Variants in CSF3R observed in about 807,000 individuals in gnomAD.
CSF3R encodes the protein colony stimulating factor 3 receptor, also known as granulocyte colony-stimulating factor receptor.
CSF3R carries 52 observed loss-of-function variants against 84.4 expected under a neutral mutation model. That is an observed-to-expected ratio of 0.62 (90% confidence interval 0.49 to 0.78). The LOEUF (loss-of-function observed/expected upper bound fraction) is 0.78, where lower values mean the gene tolerates loss of function less well. Ranked by LOEUF, CSF3R falls within the 30% of genes least tolerant of loss-of-function variation. CSF3R has a pLI of 0.00. For synonymous variants in CSF3R, 384 were observed against 429.1 expected (o/e 0.89, Z 1.30); for missense variants, 890 against 1,055.7 (o/e 0.84, Z 2.17).
chr1:36,468,320 A>G, intron 12 of CSF3R, 99 bp from the exon 13 acceptor site: 2 of 1,303,416 alleles, frequency 1.5e-6, no homozygotes, highest in South Asian at 3.0e-5. Flanking sequence ...GGTGGGTGAG[A>G]AAAGAGTCCA....
chr1:36,471,518 A>G lies in CSF3R; in HGVS notation c.1200T>C (p.Pro400=), dbSNP rs758835089. The G allele has an allele frequency of 6.2e-7, 1 of 1,614,240 alleles. No homozygotes were observed. Among genetic ancestry groups the G allele is most frequent in the East Asian group, 2.2e-5 (1 of 44,884 alleles). The change falls in exon 10 of 17, where the codon CCT becomes CCC. Residue 400 remains proline, a synonymous_variant. Coordinates refer to ENST00000373106, the MANE Select transcript of CSF3R (RefSeq NM_000760.4). ...TTELSCTFHL[P]SEAQEVALVA... ...CAAGGGCCACCTCCTGGGCTTCTGA[A>G]GGCAGGTGGAAGGTGCAGCTGAGCT...
chr1:36,473,972 G>A, intron 4 of CSF3R, 85 bp from the exon 5 acceptor site: 1 of 1,597,866 alleles, frequency 6.3e-7, no homozygotes, highest in Non-Finnish European at 8.6e-7. Context: ...CTGTTGCCTT[G>A]CCCTGGCTTG....
intron 2 of CSF3R, 104 bp from the exon 3 acceptor site, chr1:36,479,620 G>C: frequency 9.0e-6 from 8 of 884,850 alleles, no homozygotes; most frequent in Non-Finnish European, 1.3e-5. Context: ...TGACTTCTCT[G>C]AGCCTTCGTT....
chr1:36,482,313 G>C (rs960002480), intron 1 of CSF3R, among the ~76,000 whole-genome samples: 16 of 151,616 alleles, frequency 1.1e-4, no homozygotes, highest in Non-Finnish European at 1.8e-4. Flanking sequence ...GGCGGGGGGG[G>C]GGCACTCGGA....
intron 1 of CSF3R, among the ~76,000 whole-genome samples, chr1:36,482,352 C>G (rs931799407): frequency 2.6e-5 from 4 of 151,466 alleles, no homozygotes; most frequent in Non-Finnish European, 1.5e-5. Context: ...CGTCTGTTAC[C>G]GAGAGTTTAA....
At chr1:36,475,273 C>G in intron 4 of CSF3R, 104 bp downstream of exon 4, 1 of 1,424,276 alleles carries the variant, frequency 7.0e-7, no homozygotes, top group Non-Finnish European at 9.9e-7. Flanking sequence ...TCCCAAAGTG[C>G]TGGGAATACA....
In CSF3R at chr1:36,479,516, C is replaced by T; in HGVS notation, c.-20G>A. 1 of 1,613,086 alleles carries T rather than the reference C, an allele frequency of 6.2e-7. No individual in the cohort carries two copies. Among genetic ancestry groups the T allele is most frequent in the Non-Finnish European group, 8.5e-7 (1 of 1,179,014 alleles). ...TGCCATAGCACCAACTTGATGTTCA[C>T]CTGTAGGCAGAAGGGTTGTTTAAGA... On this transcript the variant is annotated splice_region_variant and 5_prime_UTR_variant, in exon 3 of 17. It adds an upstream start codon to the 5' untranslated region. Coordinates refer to ENST00000373106, the MANE Select transcript of CSF3R (RefSeq NM_000760.4).
chr1:36,480,618 C>A (rs1651461479), intron 2 of CSF3R, among the ~76,000 whole-genome samples: 1 of 152,218 alleles, frequency 6.6e-6, no homozygotes, highest in South Asian at 2.1e-4. Context: ...AATCGCTGGT[C>A]AGCTTGCACG....
At chr1:36,475,696 A>G in intron 3 of CSF3R, 23 bp from the exon 4 acceptor site, 1 of 1,599,746 alleles carries the variant, frequency 6.3e-7, no homozygotes. Flanking sequence ...AGAATGGGCC[A>G]GGAACGACGC....
chr1:36,480,744 T>C (rs1651467596), intron 2 of CSF3R, among the ~76,000 whole-genome samples: 1 of 152,214 alleles, frequency 6.6e-6, no homozygotes. Context: ...GGATAAGAAC[T>C]GCCCAGATAC....
intron 11 of CSF3R, 98 bp from the exon 12 acceptor site, chr1:36,469,355 T>C (rs1650554085): frequency 1.0e-6 from 1 of 968,616 alleles, no homozygotes; most frequent in Non-Finnish European, 1.6e-6. Context: ...TAACCTGGCC[T>C]CATGATTCAG....
Position 36,473,776 on chromosome 1 carries a change from A to T in CSF3R, c.473T>A (p.Leu158Gln), listed in dbSNP as rs1267677938. 6.2e-7 allele frequency: 1 copy of T among 1,614,244 alleles called. No homozygotes were observed. Among genetic ancestry groups the T allele is most frequent in the Non-Finnish European group, 8.5e-7 (1 of 1,180,042 alleles). ...GGCCCCTCCTCACTTGAAACTCTTC[A>T]GAGTGAAGCTGGTGGGTAGGTGGGT... ...PETHLPTSFT[L>Q]KSFKSRGNCQ... Residue 158 changes from leucine to glutamine, a missense_variant, in exon 5 of 17, where the codon CTG becomes CAG. By Grantham distance (113) the Leu-to-Gln change is moderately radical. Transcript: ENST00000373106.
intron 11 of CSF3R, 48 bp downstream of exon 11, chr1:36,469,604 T>G (rs1229192046): frequency 6.2e-7 from 1 of 1,607,538 alleles, no homozygotes; most frequent in African/African-American, 1.3e-5. Context: ...AGATAAGCAC[T>G]GCCTCCCTTT....
chr1:36,473,721 C>A (rs747074644), intron 5 of CSF3R, 43 bp downstream of exon 5: 1 of 1,614,096 alleles, frequency 6.2e-7, no homozygotes, highest in Non-Finnish European at 8.5e-7. Flanking sequence ...TGCCCTACCC[C>A]AGAATCCAAA....
At chr1:36,482,087 G>A (rs1454672194) in intron 1 of CSF3R, 1 of 152,542 alleles carries the variant, frequency 6.6e-6, no homozygotes, top group Non-Finnish European at 1.5e-5. Flanking sequence ...GGTGGGGAGG[G>A]AGGAGGGGGC....
chr1:36,469,792 A>G lies in CSF3R; in HGVS notation c.1334T>C (p.Leu445Pro), dbSNP rs1650591261. Residue 445 changes from leucine to proline, a missense_variant, in exon 11 of 17, where the codon CTC becomes CCC. By Grantham distance (98) the Leu-to-Pro change is moderately conservative. Transcript: ENST00000373106. ...LHAMARDPHS[L>P]WVGWEPPNPW... ...ATTGGGGGGCTCCCAGCCTACCCAGAGGCTGTGAGGGTCTCGGGCCATGGC... is the reference window on the plus strand; with the variant it reads ...ATTGGGGGGCTCCCAGCCTACCCAGGGGCTGTGAGGGTCTCGGGCCATGGC... The G allele has an allele frequency of 1.2e-6, 2 of 1,614,112 alleles. No homozygotes were observed. Among genetic ancestry groups the G allele is most frequent in the Non-Finnish European group, 1.7e-6 (2 of 1,180,020 alleles).
intron 11 of CSF3R, 39 bp from the exon 12 acceptor site, chr1:36,469,296 C>G (rs762408201): frequency 6.8e-7 from 1 of 1,475,878 alleles, no homozygotes; most frequent in Non-Finnish European, 9.5e-7. Context: ...CTGTTAGGGC[C>G]TAACCTGTGC....
At chr1:36,474,466 C>T (rs771790433) in intron 4 of CSF3R, among the ~76,000 whole-genome samples, 28 of 138,626 alleles carry the variant, frequency 2.0e-4, no homozygotes, top group Admixed American at 1.4e-3. Flanking sequence ...GGCGTGATCT[C>T]GGCTCACTCG....
At position 36,466,941 on chromosome 1, in the gene CSF3R, A is replaced by G. The variant is rs1455752398; in HGVS notation, c.2041-114T>C. The G allele has an allele frequency of 3.1e-6, 5 of 1,611,360 alleles. No individual in the cohort carries two copies. The East Asian group carries it at 1.1e-4, about 36-fold the overall frequency. On this transcript the variant is annotated intron_variant, in intron 16 of 16. Coordinates refer to ENST00000373106, the MANE Select transcript of CSF3R (RefSeq NM_000760.4). The surrounding 1 kb of genome is among the most constrained non-coding windows in gnomAD (Gnocchi z 4.6). ...GACATTCAACTGTTGTTACTGGTGGAACACAAAGGGTACCACTTGCAAAGC... is the reference window on the plus strand; with the variant it reads ...GACATTCAACTGTTGTTACTGGTGGGACACAAAGGGTACCACTTGCAAAGC...
Sources: gnomAD v4.1 joint callset for allele counts (sites outside exome capture counted in the v4.1 genomes callset) on GRCh38, gnomAD v4.1.1 for gene constraint, Gnocchi (gnomAD v3.1) non-coding constraint, MANE v1.5 for transcripts, NCBI Gene and HGNC (gene_info 2026-07-23, HGNC 2026-07-21) for gene names.